Variants in TBC1D22A observed in about 807,000 individuals in gnomAD.
TBC1D22A encodes the protein putative GTPase activator.
TBC1D22A carries 38 observed loss-of-function variants against 60.2 expected under a neutral mutation model. The observed-to-expected ratio is 0.63, with a 90% CI of 0.49 to 0.83. The LOEUF (loss-of-function observed/expected upper bound fraction) is 0.83, where lower values mean the gene tolerates loss of function less well. TBC1D22A is among the 40% of genes least tolerant of loss of function. The probability of loss-of-function intolerance (pLI) is 0.00; values close to 1 mark genes in which losing one functional copy is unlikely to be tolerated. For synonymous variants in TBC1D22A, 302 were observed against 281.7 expected (o/e 1.07, Z -0.72); for missense variants, 628 against 701.0 (o/e 0.90, Z 1.18).
chr22:46,970,895 C>T (rs1761832734), intron 8 of TBC1D22A, among the ~76,000 whole-genome samples: 1 of 152,164 alleles, frequency 6.6e-6, no homozygotes, highest in South Asian at 2.1e-4. Flanking sequence ...GGCTATCTCC[C>T]CAGGGGCCAG....
rs904653223 is a variant in TBC1D22A at position 47,108,852 on chromosome 22, T to C, written c.1330-2656T>C. 2.6e-5 allele frequency among the ~76,000 whole-genome samples: 4 copies of C among 152,290 alleles called. No homozygotes were observed. The East Asian group carries it at 5.8e-4, about 22-fold the overall frequency. On this transcript the variant is annotated intron_variant, in intron 11 of 12. Coordinates refer to ENST00000337137, the MANE Select transcript of TBC1D22A (RefSeq NM_014346.5). The stretch of plus-strand genomic sequence containing the variant: ...CTGGGACTACAGGCACCCGCCACCA[T>C]GCCCAGCTAATTTTTTGTATTTTTA...
At chr22:47,036,032 G>A (rs182074594) in intron 10 of TBC1D22A, among the ~76,000 whole-genome samples, 60 of 152,220 alleles carry the variant, frequency 3.9e-4, no homozygotes, top group Admixed American at 9.8e-4. Flanking sequence ...AGGGAATGGC[G>A]ATCCCTGTGA....
At chr22:47,113,267 C>T (rs988123503) in intron 12 of TBC1D22A, among the ~76,000 whole-genome samples, 3 of 152,162 alleles carry the variant, frequency 2.0e-5, no homozygotes, top group Non-Finnish European at 4.4e-5. Flanking sequence ...CAAATGAAGG[C>T]GGCTGGCTGC....
At chr22:47,105,421 A>G (rs1401290278) in intron 11 of TBC1D22A, among the ~76,000 whole-genome samples, 2 of 152,234 alleles carry the variant, frequency 1.3e-5, no homozygotes, top group Non-Finnish European at 2.9e-5. Context: ...CTAGAGAGTT[A>G]GGGGAGCAAC....
chr22:46,862,729 T>G (rs908424117), intron 4 of TBC1D22A, among the ~76,000 whole-genome samples: 1 of 151,718 alleles, frequency 6.6e-6, no homozygotes, highest in East Asian at 1.9e-4. Flanking sequence ...CCTGTAGCCA[T>G]AGAGAAGCAG....
In TBC1D22A at chr22:47,154,250, C is replaced by T. The variant is rs1417233085; in HGVS notation, c.1426-19248C>T. Among the ~76,000 whole-genome samples the T allele has an allele frequency of 2.0e-5, 3 of 152,146 alleles. No homozygotes were observed. The East Asian group carries it at 5.8e-4, about 29-fold the overall frequency. On this transcript the variant is annotated intron_variant, in intron 12 of 12. Transcript: ENST00000337137. ...CTCCAGCCCACCTCCTCACACTCTG[C>T]GCTTTTGAGAGCTGTTCCTAGTGTC...
intron 1 of TBC1D22A, among the ~76,000 whole-genome samples, chr22:46,775,690 A>C (rs2083675235): frequency 6.6e-6 from 1 of 152,182 alleles, no homozygotes; most frequent in Non-Finnish European, 1.5e-5. Flanking sequence ...GAGCCACTGT[A>C]ACAGCTTGTG....
rs952806044 is a variant in TBC1D22A at position 47,060,499 on chromosome 22, C to T, written c.1329+23301C>T. Reference sequence around the variant, plus strand: ...AGGCTAGAGTGCAGTGGCACAATCTCGGCTCACTGCAACCTCCGCTTCCCG... The same window carrying T: ...AGGCTAGAGTGCAGTGGCACAATCTTGGCTCACTGCAACCTCCGCTTCCCG... On this transcript the variant is annotated intron_variant, in intron 11 of 12. Coordinates refer to ENST00000337137, the MANE Select transcript of TBC1D22A (RefSeq NM_014346.5). Among the ~76,000 whole-genome samples the T allele has an allele frequency of 5.9e-5, 9 of 152,232 alleles. No individual in the cohort carries two copies. In the South Asian group the frequency reaches 6.2e-4, roughly 11 times the overall value.
intron 4 of TBC1D22A, among the ~76,000 whole-genome samples, chr22:46,868,064 C>T (rs553075019): frequency 6.6e-6 from 1 of 152,180 alleles, no homozygotes; most frequent in Non-Finnish European, 1.5e-5. Flanking sequence ...TGCTTTACAG[C>T]GGGTGCGGGT....
intron 11 of TBC1D22A, among the ~76,000 whole-genome samples, chr22:47,069,849 C>G (rs61500300): frequency 0.015 from 2,086 of 143,302 alleles, 204 homozygotes; most frequent in African/African-American, 0.054. Flanking sequence ...CGGGGCTGAC[C>G]TGACGGTTCC....
At chr22:46,920,955 G>A (rs2070722858) in intron 8 of TBC1D22A, among the ~76,000 whole-genome samples, 1 of 151,892 alleles carries the variant, frequency 6.6e-6, no homozygotes, top group Non-Finnish European at 1.5e-5. Context: ...ATTTTTAGTA[G>A]AGACAGGGTT....
intron 9 of TBC1D22A, among the ~76,000 whole-genome samples, chr22:46,983,825 A>G (rs1262301967): frequency 6.6e-6 from 1 of 151,754 alleles, no homozygotes; most frequent in Non-Finnish European, 1.5e-5. Context: ...GTGTCCTTTT[A>G]ATGCTATTTG....
chr22:47,038,354 G>T (rs2062725612), intron 11 of TBC1D22A, among the ~76,000 whole-genome samples: 2 of 152,322 alleles, frequency 1.3e-5, no homozygotes, highest in South Asian at 4.2e-4. Flanking sequence ...GGAAAGGGGA[G>T]CTCTTGGCGG....
At chr22:46,799,452 C>T (rs931012358) in intron 4 of TBC1D22A, among the ~76,000 whole-genome samples, 1 of 152,226 alleles carries the variant, frequency 6.6e-6, no homozygotes, top group African/African-American at 2.4e-5. Flanking sequence ...TCAGTATCAT[C>T]ACAGCACAGG....
intron 11 of TBC1D22A, among the ~76,000 whole-genome samples, chr22:47,079,001 G>A (rs1002241964): frequency 4.6e-5 from 7 of 151,282 alleles, no homozygotes; most frequent in Non-Finnish European, 7.4e-5. Context: ...TAAACACCCT[G>A]TATATATACG....
At chr22:47,023,666 G>T (rs2062160817) in intron 10 of TBC1D22A, among the ~76,000 whole-genome samples, 1 of 152,236 alleles carries the variant, frequency 6.6e-6, no homozygotes, top group Non-Finnish European at 1.5e-5. Flanking sequence ...GAAGCATCAA[G>T]CCTGGAGACA....
At chr22:46,912,814 C>G (rs1216508529) in intron 8 of TBC1D22A, among the ~76,000 whole-genome samples, 2 of 152,208 alleles carry the variant, frequency 1.3e-5, no homozygotes, top group South Asian at 2.1e-4. Flanking sequence ...CTTCGCCTCC[C>G]AAAGTGCTGG....
intron 11 of TBC1D22A, among the ~76,000 whole-genome samples, chr22:47,083,108 T>C (rs1313672786): frequency 6.6e-6 from 1 of 152,156 alleles, no homozygotes; most frequent in African/African-American, 2.4e-5. Flanking sequence ...GTTCTAGAAC[T>C]GACGAAAACT....
chr22:46,968,670 G>A (rs1184721018), intron 8 of TBC1D22A, among the ~76,000 whole-genome samples: 2 of 152,114 alleles, frequency 1.3e-5, no homozygotes, highest in Non-Finnish European at 2.9e-5. Context: ...GTCCTGAGTG[G>A]GCAGCCTTCA....
Sources: gnomAD v4.1 joint callset for allele counts (sites outside exome capture counted in the v4.1 genomes callset) on GRCh38, gnomAD v4.1.1 for gene constraint, MANE v1.5 for transcripts, NCBI Gene and HGNC (gene_info 2026-07-23, HGNC 2026-07-21) for gene names.